The following PIEZO1 variants were observed in gnomAD, a reference collection of about 807,000 sequenced individuals.
PIEZO1 encodes piezo type mechanosensitive ion channel component 1 (Er blood group).
A neutral mutation model predicts 297.2 loss-of-function variants in PIEZO1; 296 were observed. That is an observed-to-expected ratio of 1.00 (90% CI 0.91 to 1.10). PIEZO1 has a LOEUF of 1.10. Ranked by LOEUF, PIEZO1 falls within the 50% of genes least tolerant of loss-of-function variation. PIEZO1 has a pLI of 0.00. For missense variants in PIEZO1, 5,018 were observed against 3,455.5 expected, an observed-to-expected ratio of 1.45 and a Z score of -11.34; for synonymous variants, 2,427 against 1,507.5, an observed-to-expected ratio of 1.61 and a Z score of -14.13.
intron 29 of PIEZO1, 31 bp downstream of exon 29, chr16:88,725,385 G>T: frequency 7.9e-7 from 1 of 1,270,856 alleles, no homozygotes; most frequent in Non-Finnish European, 1.1e-6. Flanking sequence ...TGGACACGGG[G>T]CCCTGGGTGC....
At chr16:88,755,692 G>A (rs942410903) in intron 1 of PIEZO1, among the ~76,000 whole-genome samples, 4 of 146,718 alleles carry the variant, frequency 2.7e-5, no homozygotes, top group African/African-American at 7.3e-5. Flanking sequence ...TTCACCGAAC[G>A]GTGGCGCCTA....
intron 1 of PIEZO1, among the ~76,000 whole-genome samples, chr16:88,767,972 G>C (rs915904296): frequency 6.6e-6 from 1 of 152,094 alleles, no homozygotes; most frequent in Non-Finnish European, 1.5e-5. Context: ...CCCTCCCCCG[G>C]GTCCAGACCC....
At position 88,716,836 on chromosome 16, in the gene PIEZO1, C is replaced by T. The variant is rs1567657095; in HGVS notation, c.6723G>A (p.Glu2241=). The change falls in exon 46 of 51, where the codon GAG becomes GAA. Residue 2241 remains glutamate, a synonymous_variant. Coordinates refer to ENST00000301015, the MANE Select transcript of PIEZO1 (RefSeq NM_001142864.4). ...GGGGGTCAAACTGCCGGGACAGCTC[C>T]TCATAGGCCTGGGCCGTGAAGGGGA... ...SIIPFTAQAY[E]ELSRQFDPQP... 3 of 1,550,172 alleles carry T rather than the reference C, an allele frequency of 1.9e-6. No homozygotes were observed. The highest frequency in any genetic ancestry group is 2.6e-6 in the Non-Finnish European group (3 of 1,146,960).
At chr16:88,736,772 G>A (rs189538367) in intron 10 of PIEZO1, 33 bp from the exon 11 acceptor site, 4 of 1,389,434 alleles carry the variant, frequency 2.9e-6, no homozygotes, top group East Asian at 2.5e-5. Flanking sequence ...GCTTCGGCAG[G>A]TTGATCTGCA....
Position 88,766,791 on chromosome 16 carries a change from G to A in PIEZO1, c.65-17312C>T, listed in dbSNP as rs149014549. Among the ~76,000 whole-genome samples, 1,235 of 152,302 alleles carry A rather than the reference G, an allele frequency of 8.1e-3. 23 individuals carry two copies. The highest frequency in any genetic ancestry group is 0.027 in the African/African-American group (1,131 of 41,568). ...TCCCCAGGATCACCAGCCCCAGAAC[G>A]GGGACCCGGCCCCAGCTGCTCTCAG... On this transcript the variant is annotated intron_variant, in intron 1 of 50. Coordinates refer to ENST00000301015, the MANE Select transcript of PIEZO1 (RefSeq NM_001142864.4).
Position 88,769,562 on chromosome 16 carries a change from T to G in PIEZO1, c.64+15339A>C, listed in dbSNP as rs537861776. Among the ~76,000 whole-genome samples the G allele has an allele frequency of 3.9e-3, 591 of 152,278 alleles. 3 individuals are homozygous for G. The highest frequency in any genetic ancestry group is 0.014 in the African/African-American group (562 of 41,560). On this transcript the variant is annotated intron_variant, in intron 1 of 50. Coordinates refer to ENST00000301015, the MANE Select transcript of PIEZO1 (RefSeq NM_001142864.4). Reference sequence around the variant, plus strand: ...CCGGTCCCGCCTCCTCTCCTACCACTGCACATGACCGGAGCCCCCACCTCA... The same window carrying G: ...CCGGTCCCGCCTCCTCTCCTACCACGGCACATGACCGGAGCCCCCACCTCA...
At chr16:88,750,073 G>A (rs995687480) in intron 1 of PIEZO1, among the ~76,000 whole-genome samples, 9 of 149,926 alleles carry the variant, frequency 6.0e-5, no homozygotes, top group African/African-American at 2.2e-4. Context: ...GGTGGCTCAC[G>A]CCTGTAATCC....
In PIEZO1 at chr16:88,719,974, G is replaced by C. The variant is rs558335132; in HGVS notation, c.6165-14C>G. 3 of 1,550,004 alleles carry C rather than the reference G, an allele frequency of 1.9e-6. No individual in the cohort carries two copies. In the African/African-American group the frequency reaches 4.1e-5, roughly 21 times the overall value. On this transcript the variant is annotated splice_polypyrimidine_tract_variant and intron_variant, in intron 42 of 50. Transcript: ENST00000301015. ...TGGTTGAACATCCTGGGGCGGGATG[G>C]CCAGGTCAAGGACCCCATCAGAAAC...
rs751383413 is a variant in PIEZO1 at position 88,737,599 on chromosome 16, C to A, written c.1155G>T (p.Val385=). The A allele has an allele frequency of 2.6e-6, 4 of 1,534,702 alleles. No homozygotes were observed. Among genetic ancestry groups the A allele is most frequent in the Non-Finnish European group, 3.5e-6 (4 of 1,146,504 alleles). The part of the protein sequence containing the change: ...APDTEADNCI[V]HELTGQSSVL... ...CGGAGCTCTGGCCGGTCAGCTCGTG[C>A]ACGATGCAGTTATCAGCCTCGGTGT... is the stretch of plus-strand genomic sequence containing the variant. Residue 385 remains valine, a synonymous_variant, in exon 10 of 51, where the codon GTG becomes GTT. Transcript: ENST00000301015.
intron 22 of PIEZO1, chr16:88,731,504 G>C: frequency 1.7e-6 from 1 of 587,412 alleles, no homozygotes; most frequent in Non-Finnish European, 3.0e-6. Context: ...GAACAGCAGA[G>C]CCTGGAGGGG....
rs78114078 is a variant in PIEZO1 at position 88,716,097 on chromosome 16, G to A, written c.7152C>T (p.Gly2384=). The A allele has an allele frequency of 2.0e-3, 3,047 of 1,547,950 alleles. 45 individuals carry two copies. The African/African-American group carries it at 0.03, about 15-fold the overall frequency. The change falls in exon 50 of 51, where the codon GGC becomes GGT. Residue 2384 remains glycine (G), a synonymous_variant. Coordinates refer to ENST00000301015, the MANE Select transcript of PIEZO1 (RefSeq NM_001142864.4). Reference sequence around the variant, plus strand: ...GCTCCCTCCGCAGCTGGATACGCACGCCGAGGTAGTCGGCCTCCTCATCTG... The same window carrying A: ...GCTCCCTCCGCAGCTGGATACGCACACCGAGGTAGTCGGCCTCCTCATCTG... The part of the protein sequence containing the change: ...LQPNEEADYL[G]VRIQLRREQG...
Position 88,721,318 on chromosome 16 carries a change from T to G in PIEZO1, c.5516A>C (p.Glu1839Ala). 6.5e-7 allele frequency: 1 copy of G among 1,546,274 alleles called. No homozygotes were observed. Among genetic ancestry groups the G allele is most frequent in the Non-Finnish European group, 8.7e-7 (1 of 1,146,682 alleles). ...EGPGVPAATT[E>A]DHIQVEARVG... ...CCTGGCTTCCACCTGAATGTGGTCT[T>G]CGGTGGTGGCCGCAGGCACCCCTGG... Residue 1839 changes from glutamate (E) to alanine (A), a missense_variant, in exon 39 of 51, where the codon GAA (glutamate) becomes GCA (alanine). Coordinates refer to ENST00000301015, the MANE Select transcript of PIEZO1 (RefSeq NM_001142864.4).
In PIEZO1 at chr16:88,721,717, C is replaced by A. The variant is rs1160259589; in HGVS notation, c.5224G>T (p.Val1742Phe). ...TAIVFTEIAV[V>F]VKYLFQFGFF... is the part of the protein sequence containing the mutation. ...CCAAACTGGAACAGGTACTTGACGA[C>A]CACCGCGATCTGTGGGGGAGGGGGC... Residue 1742 changes from valine (V) to phenylalanine (F), a missense_variant, in exon 38 of 51, where the codon GTC becomes TTC. Coordinates refer to ENST00000301015, the MANE Select transcript of PIEZO1 (RefSeq NM_001142864.4). 3.9e-6 allele frequency: 6 copies of A among 1,541,940 alleles called. No homozygotes were observed. Among genetic ancestry groups the A allele is most frequent in the East Asian group, 2.5e-5 (1 of 40,780 alleles).
Position 88,741,626 on chromosome 16 carries a change from G to A in PIEZO1, c.327-10C>T. 6.5e-7 allele frequency: 1 copy of A among 1,533,440 alleles called. No homozygotes were observed. Among genetic ancestry groups the A allele is most frequent in the Non-Finnish European group, 8.7e-7 (1 of 1,145,922 alleles). The allele number at this position is 1,533,440 out of a possible 1,614,324, so 95.0% of individuals were successfully genotyped here. On this transcript the variant is annotated splice_polypyrimidine_tract_variant and intron_variant, in intron 4 of 50. Coordinates refer to ENST00000301015, the MANE Select transcript of PIEZO1 (RefSeq NM_001142864.4). Reference sequence around the variant, plus strand: ...GTCCTTCAGGTCCAGCCTGCGGAGAGCAGGGAGCAGCCGCGGTCAGACCAA... The same window carrying A: ...GTCCTTCAGGTCCAGCCTGCGGAGAACAGGGAGCAGCCGCGGTCAGACCAA...
intron 1 of PIEZO1, among the ~76,000 whole-genome samples, chr16:88,755,090 C>G (rs1227717601): frequency 6.6e-6 from 1 of 152,164 alleles, no homozygotes; most frequent in Non-Finnish European, 1.5e-5. Context: ...CCAGTGCAGG[C>G]ACGGGGCTGG....
Position 88,782,025 on chromosome 16 carries a change from G to A in PIEZO1, c.64+2876C>T, listed in dbSNP as rs544040. 7.0e-3 allele frequency among the ~76,000 whole-genome samples: 1,062 copies of A among 152,380 alleles called. 14 individuals carry two copies. The highest frequency in any genetic ancestry group is 0.024 in the African/African-American group (1,005 of 41,598). On this transcript the variant is annotated intron_variant, in intron 1 of 50. Transcript: ENST00000301015. ...TGACACGGTGGCTCCTCTCGCACCAGCTGGCTTTCCGCAGCCCTGTCTAGA... is the reference window on the plus strand; with the variant it reads ...TGACACGGTGGCTCCTCTCGCACCAACTGGCTTTCCGCAGCCCTGTCTAGA...
At chr16:88,724,087 G>C (rs2059387163) in intron 30 of PIEZO1, 116 bp from the exon 31 acceptor site, 3 of 665,786 alleles carry the variant, frequency 4.5e-6, no homozygotes, top group African/African-American at 3.6e-5. Context: ...GAGTAGCCGG[G>C]AGCAGTGCAG....
chr16:88,737,412 G>C lies in PIEZO1; in HGVS notation c.1195+147C>G, dbSNP rs560451704. On this transcript the variant is annotated intron_variant, in intron 10 of 50. Coordinates refer to ENST00000301015, the MANE Select transcript of PIEZO1 (RefSeq NM_001142864.4). ...GGGGGTCTCGGGGGTCACTGACACCGACCCGTGGATGTCCTGGGCCCCCGA... is the reference window on the plus strand; with the variant it reads ...GGGGGTCTCGGGGGTCACTGACACCCACCCGTGGATGTCCTGGGCCCCCGA... The C allele has an allele frequency of 6.8e-6, 4 of 589,442 alleles. No homozygotes were observed. In the African/African-American group the frequency reaches 7.8e-5, roughly 11 times the overall value. 36.5% of individuals were successfully genotyped at this position (589,442 alleles called of 1,614,324 possible).
intron 1 of PIEZO1, among the ~76,000 whole-genome samples, chr16:88,773,247 A>T (rs765284207): frequency 2.0e-5 from 3 of 152,200 alleles, no homozygotes; most frequent in Non-Finnish European, 4.4e-5. Context: ...AGGGGATCTG[A>T]GTAGAGGGGA....
Sources: allele counts gnomAD v4.1 joint callset (sites outside exome capture counted in the v4.1 genomes callset), GRCh38; gene constraint gnomAD v4.1.1; transcripts MANE v1.5; gene names NCBI Gene and HGNC (gene_info 2026-07-23, HGNC 2026-07-21).